Variants in KLHDC8A observed in about 807,000 individuals in gnomAD.
KLHDC8A encodes the protein kelch domain containing 8A.
Under a neutral mutation model 33.1 loss-of-function variants are expected in KLHDC8A, and 21 were observed. The ratio of observed to expected loss-of-function variants is 0.64; its 90% CI spans 0.45 to 0.91. KLHDC8A has a LOEUF of 0.91. Ranked by LOEUF, KLHDC8A falls within the 40% of genes least tolerant of loss-of-function variation. The probability of loss-of-function intolerance (pLI) is 0.00; values close to 1 mark genes in which losing one functional copy is unlikely to be tolerated. For synonymous variants in KLHDC8A, 173 were observed against 193.5 expected, an observed-to-expected ratio of 0.89 and a Z score of 0.88; for missense variants, 435 against 483.3, an observed-to-expected ratio of 0.90 and a Z score of 0.94.
chr1:205,354,045 CA>C, intron 1 of KLHDC8A, among the ~76,000 whole-genome samples: 1 of 152,342 alleles, frequency 6.6e-6, no homozygotes, highest in East Asian at 1.9e-4. Context: ...AGGACCCACT[CA>C]AATGGCTGCT....
intron 2 of KLHDC8A, among the ~76,000 whole-genome samples, chr1:205,340,241 CG>C (rs970319940): frequency 6.6e-6 from 1 of 151,194 alleles, no homozygotes; most frequent in African/African-American, 2.4e-5. Flanking sequence ...TCTCGAACTC[CG>C]GGGCTCAAGC....
chr1:205,355,173 C>T (rs1200490033), intron 1 of KLHDC8A, among the ~76,000 whole-genome samples: 1 of 152,186 alleles, frequency 6.6e-6, no homozygotes, highest in South Asian at 2.1e-4. Context: ...TAATCTTGGC[C>T]CTTGTCCTCA....
chr1:205,351,150 C>T (rs1176771117), intron 1 of KLHDC8A: 1 of 688,676 alleles, frequency 1.5e-6, no homozygotes, highest in Admixed American at 2.1e-5. Context: ...CATAGAGATT[C>T]CTCACCTGGT....
At chr1:205,345,094 C>T (rs1298934812) in intron 1 of KLHDC8A, among the ~76,000 whole-genome samples, 1 of 152,204 alleles carries the variant, frequency 6.6e-6, no homozygotes. Context: ...GGCCAGAGAA[C>T]CAACCACCTG....
Position 205,339,133 on chromosome 1 carries a change from G to T in KLHDC8A, c.757+61C>A. On this transcript the variant is annotated intron_variant, in intron 4 of 5. Coordinates refer to ENST00000367155, the MANE Select transcript of KLHDC8A (RefSeq NM_018203.3). This position sits in a 1 kb window ranked among gnomAD's most constrained non-coding sequence, Gnocchi z 5.1. Reference sequence around the variant, plus strand: ...GATGGCTGGAATAGGGGTAAGGGATGGGGAGCCAGCCAGAAGGGCAGTGGG... The same window carrying T: ...GATGGCTGGAATAGGGGTAAGGGATTGGGAGCCAGCCAGAAGGGCAGTGGG... 7.0e-7 allele frequency: 1 copy of T among 1,424,804 alleles called. No individual in the cohort carries two copies. The highest frequency in any genetic ancestry group is 9.8e-7 in the Non-Finnish European group (1 of 1,017,584). 88.3% of individuals were successfully genotyped at this position (1,424,804 alleles called of 1,614,324 possible). A position where few individuals can be genotyped will look rare whatever the true frequency, so the allele number is the denominator to read the frequency against.
Position 205,343,490 on chromosome 1 carries a change from A to T in KLHDC8A, c.115T>A (p.Cys39Ser). The T allele has an allele frequency of 6.2e-7, 1 of 1,613,532 alleles. No individual in the cohort carries two copies. The highest frequency in any genetic ancestry group is 8.5e-7 in the Non-Finnish European group (1 of 1,179,882). Residue 39 changes from cysteine to serine, a missense_variant, in exon 2 of 6, where the codon TGT becomes AGT. Physicochemically the swap from Cys to Ser is moderately radical, Grantham distance 112. Coordinates refer to ENST00000367155, the MANE Select transcript of KLHDC8A (RefSeq NM_018203.3). ...TGGQVYAIGG[C>S]DDNGVPMDCF... ...TCCATGGGGACGCCGTTGTCGTCAC[A>T]TCCCCCGATGGCATAGACCTGGCCC...
At position 205,337,719 on chromosome 1, in the gene KLHDC8A, A is replaced by G. The variant is rs566846369; in HGVS notation, c.860-127T>C. 2.3e-5 allele frequency: 15 copies of G among 649,784 alleles called. No homozygotes were observed. In the Admixed American group the frequency reaches 4.0e-4, roughly 17 times the overall value. The allele number at this position is 649,784 out of a possible 1,614,324, so 40.3% of individuals were successfully genotyped here. On this transcript the variant is annotated intron_variant, in intron 5 of 5. Transcript: ENST00000367155. ...CCAAGCAAGGTCAACTTCCTTGGCT[A>G]CAGGATTACTCCCTTTACTAAGCCA...
rs372224361 is a variant in KLHDC8A at position 205,351,331 on chromosome 1, G to T, written c.-190+5202C>A. 2.0e-4 allele frequency: 186 copies of T among 920,680 alleles called. 2 individuals carry two copies. In the African/African-American group the frequency reaches 2.2e-3, roughly 11 times the overall value. The allele number at this position is 920,680 out of a possible 1,614,324, so 57.0% of individuals were successfully genotyped here. A position where few individuals can be genotyped will look rare whatever the true frequency, so the allele number is the denominator to read the frequency against. On this transcript the variant is annotated intron_variant, in intron 1 of 5. Transcript: ENST00000367155. Reference sequence around the variant, plus strand: ...ATTAAATGGTGGCAGACATGTCCAAGGAATATTGCGGGGATTTGATCCCTT... The same window carrying T: ...ATTAAATGGTGGCAGACATGTCCAATGAATATTGCGGGGATTTGATCCCTT...
chr1:205,349,807 GGACA>G (rs1015926806), intron 1 of KLHDC8A, among the ~76,000 whole-genome samples: 7 of 152,180 alleles, frequency 4.6e-5, no homozygotes, highest in African/African-American at 1.7e-4. Flanking sequence ...GAAAAACACA[GGACA>G]GTCAGAAGAC....
chr1:205,348,676 TACCTCATAAAG>T (rs1300438418), intron 1 of KLHDC8A: 5 of 152,208 alleles, frequency 3.3e-5, no homozygotes, highest in Non-Finnish European at 7.3e-5. Flanking sequence ...ACGTGGTAAG[TACCTCATAAAG>T]ACTAGTTTCT....
At chr1:205,342,680 C>G (rs1347122835) in intron 2 of KLHDC8A, among the ~76,000 whole-genome samples, 1 of 152,184 alleles carries the variant, frequency 6.6e-6, no homozygotes, top group East Asian at 1.9e-4. Context: ...GAACCATCTC[C>G]CACAAAACCC....
intron 1 of KLHDC8A, among the ~76,000 whole-genome samples, chr1:205,354,519 T>C (rs1663209100): frequency 6.6e-6 from 1 of 152,180 alleles, no homozygotes; most frequent in Admixed American, 6.5e-5. Flanking sequence ...GGAGATGTCT[T>C]GGGAGCCTAA....
At chr1:205,342,837 C>T (rs535067326) in intron 2 of KLHDC8A, among the ~76,000 whole-genome samples, 8 of 24,482 alleles carry the variant, frequency 3.3e-4, no homozygotes, top group African/African-American at 1.3e-3. Flanking sequence ...CTTAGTGAAA[C>T]GCGGCCAGAC....
chr1:205,350,394 G>T (rs1024519258), intron 1 of KLHDC8A, among the ~76,000 whole-genome samples: 6 of 152,170 alleles, frequency 3.9e-5, no homozygotes, highest in Non-Finnish European at 7.3e-5. Flanking sequence ...CAAGAGCTCA[G>T]GTCATCCCGA....
chr1:205,341,250 A>T (rs913587438), intron 2 of KLHDC8A, among the ~76,000 whole-genome samples: 4 of 151,994 alleles, frequency 2.6e-5, no homozygotes, highest in African/African-American at 9.7e-5. Flanking sequence ...CCTGCCCGGG[A>T]TTCTGTCTGC....
intron 1 of KLHDC8A, among the ~76,000 whole-genome samples, chr1:205,348,145 T>G (rs1426953869): frequency 6.6e-6 from 1 of 152,152 alleles, no homozygotes; most frequent in African/African-American, 2.4e-5. Flanking sequence ...GGATCCTGCC[T>G]TCACTAAACT....
intron 5 of KLHDC8A, among the ~76,000 whole-genome samples, chr1:205,337,947 A>C (rs76551731): frequency 0.018 from 2,667 of 152,288 alleles, 89 homozygotes; most frequent in African/African-American, 0.061. Context: ...GTTTGTCCAC[A>C]CTAAGTAGAC....
In KLHDC8A at chr1:205,345,179, G is replaced by A. The variant is rs113293319; in HGVS notation, c.-189-1386C>T. ...CAAATGTAGCCAAGTCTTGAAACAC[G>A]CAGGCTTGGGAGGCTGGAAGACCTG... On this transcript the variant is annotated intron_variant, in intron 1 of 5. Transcript: ENST00000367155. Among the ~76,000 whole-genome samples, 916 of 152,264 alleles carry A rather than the reference G, an allele frequency of 6.0e-3. 7 individuals carry two copies. Among genetic ancestry groups the A allele is most frequent in the Non-Finnish European group, 8.7e-3 (591 of 68,032 alleles).
At chr1:205,338,281 C>T (rs1297734009) in intron 5 of KLHDC8A, among the ~76,000 whole-genome samples, 1 of 152,162 alleles carries the variant, frequency 6.6e-6, no homozygotes, top group Non-Finnish European at 1.5e-5. Context: ...GTCACAGTTT[C>T]CCTGTGTAGG....
Sources: allele counts gnomAD v4.1 joint callset (sites outside exome capture counted in the v4.1 genomes callset), GRCh38; gene constraint gnomAD v4.1.1; non-coding constraint Gnocchi (gnomAD v3.1); transcripts MANE v1.5; gene names NCBI Gene and HGNC (gene_info 2026-07-23, HGNC 2026-07-21).